RALGPS2: variants seen among roughly 807,000 people sequenced by gnomAD.
The protein encoded by RALGPS2 is Ral GEF with PH domain and SH3 binding motif 2.
A neutral mutation model predicts 86.8 loss-of-function variants in RALGPS2; 43 were observed. The ratio of observed to expected loss-of-function variants is 0.50; its 90% confidence interval spans 0.39 to 0.64. RALGPS2 has a LOEUF of 0.64. RALGPS2 is among the 30% of genes least tolerant of loss of function. RALGPS2 has a pLI of 0.00. For missense variants in RALGPS2, 536 were observed against 694.6 expected, an observed-to-expected ratio of 0.77 and a Z score of 2.57; for synonymous variants, 243 against 231.3, an observed-to-expected ratio of 1.05 and a Z score of -0.46.
At chr1:178,911,386 T>C (rs1213056702) in intron 19 of RALGPS2, among the ~76,000 whole-genome samples, 1 of 152,070 alleles carries the variant, frequency 6.6e-6, no homozygotes, top group African/African-American at 2.4e-5. Context: ...CTTCTTGACA[T>C]AGGTATTGAG....
chr1:178,732,039 A>G (rs1026711339), intron 1 of RALGPS2, among the ~76,000 whole-genome samples: 6 of 152,150 alleles, frequency 3.9e-5, no homozygotes, highest in African/African-American at 4.8e-5. Context: ...AAGTATATGG[A>G]TAGACACATG....
At chr1:178,746,754 C>G (rs1364633605) in intron 1 of RALGPS2, 27 of 806,594 alleles carry the variant, frequency 3.3e-5, no homozygotes, top group Non-Finnish European at 5.2e-5. Flanking sequence ...ATCTGCTGCA[C>G]CTTCTGAGCT....
intron 1 of RALGPS2, among the ~76,000 whole-genome samples, chr1:178,757,417 G>A (rs559232641): frequency 1.8e-4 from 27 of 152,084 alleles, no homozygotes; most frequent in Non-Finnish European, 3.7e-4. Context: ...CAGTATGATT[G>A]GCTGTGGGTT....
intron 14 of RALGPS2, among the ~76,000 whole-genome samples, chr1:178,890,587 A>G (rs921667354): frequency 6.6e-5 from 10 of 151,998 alleles, no homozygotes; most frequent in Non-Finnish European, 1.3e-4. Context: ...TTTATAAAAC[A>G]ATTTTAAATT....
chr1:178,836,750 T>C (rs1656291056), intron 8 of RALGPS2, among the ~76,000 whole-genome samples: 1 of 152,086 alleles, frequency 6.6e-6, no homozygotes, highest in African/African-American at 2.4e-5. Flanking sequence ...TCTTGAGAGG[T>C]CTCAGTCCAC....
At chr1:178,762,843 A>C (rs965272970) in intron 1 of RALGPS2, among the ~76,000 whole-genome samples, 1 of 152,082 alleles carries the variant, frequency 6.6e-6, no homozygotes, top group African/African-American at 2.4e-5. Flanking sequence ...GAAGCTCCTT[A>C]GTTTAATTGG....
At chr1:178,770,134 A>G (rs1199327379) in intron 1 of RALGPS2, among the ~76,000 whole-genome samples, 3 of 150,956 alleles carry the variant, frequency 2.0e-5, no homozygotes, top group Non-Finnish European at 4.4e-5. Context: ...CTCCTGCTTC[A>G]GTGTCCTAAG....
intron 1 of RALGPS2, among the ~76,000 whole-genome samples, chr1:178,764,760 T>A (rs889250379): frequency 3.3e-5 from 5 of 152,338 alleles, no homozygotes; most frequent in Admixed American, 1.3e-4. Flanking sequence ...TGGAAAGTTT[T>A]TTCTTTAAGA....
intron 4 of RALGPS2, among the ~76,000 whole-genome samples, chr1:178,803,770 C>T (rs1006888107): frequency 2.0e-5 from 3 of 152,138 alleles, no homozygotes; most frequent in Non-Finnish European, 4.4e-5. Context: ...GTTTTTATCT[C>T]CACAGCATTC....
At chr1:178,887,151 A>T (rs1659526142) in intron 13 of RALGPS2, among the ~76,000 whole-genome samples, 1 of 152,180 alleles carries the variant, frequency 6.6e-6, no homozygotes, top group Admixed American at 6.5e-5. Context: ...TTCTTGTTAC[A>T]ATTAGAAATT....
intron 1 of RALGPS2, among the ~76,000 whole-genome samples, chr1:178,743,048 T>C (rs1311277694): frequency 6.6e-6 from 1 of 152,122 alleles, no homozygotes; most frequent in Non-Finnish European, 1.5e-5. Context: ...AAACCCTGTC[T>C]TTACAAACAT....
chr1:178,762,650 C>T (rs1430304239), intron 1 of RALGPS2, among the ~76,000 whole-genome samples: 2 of 152,084 alleles, frequency 1.3e-5, no homozygotes, highest in Non-Finnish European at 2.9e-5. Context: ...ATATTTAGGT[C>T]TTTTGAGAAG....
chr1:178,855,504 T>TA (rs1247947170), intron 8 of RALGPS2, among the ~76,000 whole-genome samples: 1 of 152,020 alleles, frequency 6.6e-6, no homozygotes, highest in African/African-American at 2.4e-5. Flanking sequence ...TATAATGCAA[T>TA]ATCCATAAGT....
At chr1:178,891,579 C>A (rs923190547) in intron 14 of RALGPS2, among the ~76,000 whole-genome samples, 1 of 151,926 alleles carries the variant, frequency 6.6e-6, no homozygotes, top group Non-Finnish European at 1.5e-5. Flanking sequence ...AAAGAAGTAT[C>A]AGTATTTTTA....
intron 8 of RALGPS2, among the ~76,000 whole-genome samples, chr1:178,854,020 T>C (rs1352992333): frequency 6.6e-6 from 1 of 152,124 alleles, no homozygotes; most frequent in African/African-American, 2.4e-5. Context: ...TTTTTTATAT[T>C]GTTATAATCC....
chr1:178,904,599 A>G (rs1660315526), intron 18 of RALGPS2, among the ~76,000 whole-genome samples: 1 of 152,166 alleles, frequency 6.6e-6, no homozygotes, highest in Non-Finnish European at 1.5e-5. Context: ...ACCGTTAGTT[A>G]AAAAGGGTGT....
At chr1:178,856,501 C>T (rs1657597104) in intron 8 of RALGPS2, among the ~76,000 whole-genome samples, 2 of 135,058 alleles carry the variant, frequency 1.5e-5, no homozygotes, top group South Asian at 2.4e-4. Flanking sequence ...GGTCTCAAGT[C>T]GGACTTCAGA....
chr1:178,895,201 A>AT (rs1353405965), intron 16 of RALGPS2, among the ~76,000 whole-genome samples: 13 of 152,020 alleles, frequency 8.6e-5, no homozygotes, highest in Non-Finnish European at 1.5e-4. Flanking sequence ...TGAAATATAA[A>AT]ACCTTTGATA....
intron 8 of RALGPS2, among the ~76,000 whole-genome samples, chr1:178,846,663 T>C (rs1357695140): frequency 6.6e-6 from 1 of 152,216 alleles, no homozygotes; most frequent in African/African-American, 2.4e-5. Context: ...CATAGTGTTT[T>C]CTTTAAGTGC....
Sources: allele counts gnomAD v4.1 joint callset (sites outside exome capture counted in the v4.1 genomes callset), GRCh38; gene constraint gnomAD v4.1.1; transcripts MANE v1.5; gene names NCBI Gene and HGNC (gene_info 2026-07-23, HGNC 2026-07-21).